The following ARSJ variants were observed in gnomAD, a reference collection of about 807,000 sequenced individuals.
ARSJ encodes the protein arylsulfatase family member J.
In ARSJ, 26 loss-of-function variants were observed where a neutral mutation model predicts 35.9. The ratio of observed to expected loss-of-function variants is 0.72; its 90% CI spans 0.53 to 1.00. ARSJ has a LOEUF of 1.00. ARSJ is among the 50% of genes least tolerant of loss of function. The pLI, the probability that ARSJ is intolerant of heterozygous loss-of-function variation, is 0.00. For synonymous variants in ARSJ, 294 were observed against 267.6 expected, an observed-to-expected ratio of 1.10 and a Z score of -0.96; for missense variants, 667 against 723.6, an observed-to-expected ratio of 0.92 and a Z score of 0.90.
chr4:113,974,219 G>C (rs1437028688), intron 1 of ARSJ, among the ~76,000 whole-genome samples: 1 of 151,960 alleles, frequency 6.6e-6, no homozygotes, highest in Non-Finnish European at 1.5e-5. Flanking sequence ...TCTTGGGGTA[G>C]GGAGAATCTC....
chr4:113,914,920 A>G (rs1335610946), intron 1 of ARSJ, among the ~76,000 whole-genome samples: 2 of 152,246 alleles, frequency 1.3e-5, no homozygotes, highest in Admixed American at 6.5e-5. Flanking sequence ...AGTTTCCTAC[A>G]CTGTCCGTTC....
Position 113,903,285 on chromosome 4 carries a change from AAT to A in ARSJ, c.787_788del (p.Ile263CysfsTer39). On this transcript the variant is annotated frameshift_variant, in exon 2 of 2. Coordinates refer to ENST00000315366, the MANE Select transcript of ARSJ (RefSeq NM_024590.4). LOFTEE classifies it high-confidence loss of function. Reference protein sequence around the residue: ...HNPTKPIFLYIAYQAVHSPLQ... With the variant: ...HNPTKPIFLYXAYQAVHSPLQ... The stretch of plus-strand genomic sequence containing the variant: ...GTGGTGAATGAACAGCTTGATAGGC[AAT>A]ATATAAAAATATAGGCTTTGTGGGG... 1 of 1,614,154 alleles carries A rather than the reference AAT, an allele frequency of 6.2e-7. No homozygotes were observed. Among genetic ancestry groups the A allele is most frequent in the Middle Eastern group, 1.6e-4 (1 of 6,062 alleles).
intron 1 of ARSJ, among the ~76,000 whole-genome samples, chr4:113,949,109 A>T (rs778641782): frequency 1.2e-4 from 18 of 148,420 alleles, no homozygotes; most frequent in Admixed American, 2.0e-4. Flanking sequence ...CAAACACCAC[A>T]TGTTCTCACT....
At chr4:113,966,171 T>C (rs1407562192) in intron 1 of ARSJ, among the ~76,000 whole-genome samples, 3 of 152,080 alleles carry the variant, frequency 2.0e-5, no homozygotes, top group East Asian at 3.9e-4. Context: ...ATTTACAGTA[T>C]GTATTAATGT....
intron 1 of ARSJ, among the ~76,000 whole-genome samples, chr4:113,967,547 C>T (rs967305296): frequency 6.6e-6 from 1 of 152,090 alleles, no homozygotes; most frequent in South Asian, 2.1e-4. Flanking sequence ...TTTAAGTAAC[C>T]TAAGGTTTCA....
intron 1 of ARSJ, among the ~76,000 whole-genome samples, chr4:113,952,108 G>T (rs985095950): frequency 6.6e-6 from 1 of 151,960 alleles, no homozygotes. Flanking sequence ...GCCCAAGCTG[G>T]AGTGCAGTGA....
At position 113,901,106 on chromosome 4, in the gene ARSJ, G is replaced by C. The variant is rs1033466528; in HGVS notation, c.*1168C>G. On this transcript the variant is annotated 3_prime_UTR_variant, in exon 2 of 2. Coordinates refer to ENST00000315366, the MANE Select transcript of ARSJ (RefSeq NM_024590.4). ...AAACCATTCCTTCAATTGCCTATTA[G>C]TAAAGATTTTTATTTTTTAGGACCA... is the stretch of plus-strand genomic sequence containing the variant. The C allele has an allele frequency of 7.2e-5, 11 of 152,180 alleles. No homozygotes were observed. Among genetic ancestry groups the C allele is most frequent in the African/African-American group, 2.6e-4 (11 of 41,522 alleles). The allele number at this position is 152,180 out of a possible 1,614,324, so 9.4% of individuals were successfully genotyped here.
chr4:113,926,596 G>T (rs1724083139), intron 1 of ARSJ, among the ~76,000 whole-genome samples: 1 of 152,118 alleles, frequency 6.6e-6, no homozygotes, highest in Non-Finnish European at 1.5e-5. Flanking sequence ...GGGACCATGG[G>T]TATTTGAGCC....
At chr4:113,935,546 T>G (rs1724715497) in intron 1 of ARSJ, among the ~76,000 whole-genome samples, 1 of 151,942 alleles carries the variant, frequency 6.6e-6, no homozygotes, top group Admixed American at 6.6e-5. Context: ...GTTCATGTCA[T>G]GAGGCTTATA....
intron 1 of ARSJ, among the ~76,000 whole-genome samples, chr4:113,974,956 A>G (rs1043750766): frequency 1.3e-5 from 2 of 152,216 alleles, no homozygotes; most frequent in Non-Finnish European, 2.9e-5. Flanking sequence ...ATAAATTGTA[A>G]TATGCTTATG....
chr4:113,957,824 T>C (rs1284217426), intron 1 of ARSJ, among the ~76,000 whole-genome samples: 1 of 152,102 alleles, frequency 6.6e-6, no homozygotes, highest in Non-Finnish European at 1.5e-5. Flanking sequence ...ATTGTTATGA[T>C]GTAACAGCAG....
intron 1 of ARSJ, among the ~76,000 whole-genome samples, chr4:113,911,719 G>T (rs910048026): frequency 6.6e-6 from 1 of 152,086 alleles, no homozygotes; most frequent in African/African-American, 2.4e-5. Flanking sequence ...AATGATTCCT[G>T]CCCTGCATTT....
At chr4:113,968,695 G>T (rs1727047486) in intron 1 of ARSJ, among the ~76,000 whole-genome samples, 1 of 152,204 alleles carries the variant, frequency 6.6e-6, no homozygotes, top group African/African-American at 2.4e-5. Context: ...CAGAACTTTG[G>T]CAGAGGCCAG....
chr4:113,955,036 C>G (rs1726088391), intron 1 of ARSJ, among the ~76,000 whole-genome samples: 1 of 147,216 alleles, frequency 6.8e-6, no homozygotes, highest in Non-Finnish European at 1.5e-5. Context: ...TGTGAGCATA[C>G]AGCATCTGTT....
chr4:113,929,262 A>C (rs961054884), intron 1 of ARSJ, among the ~76,000 whole-genome samples: 3 of 152,118 alleles, frequency 2.0e-5, no homozygotes, highest in African/African-American at 7.2e-5. Context: ...GCCCACTGGG[A>C]CTTTAGTCTA....
rs1164104114 is a variant in ARSJ, at chr4:113,903,520, T to G, written c.554A>C (p.Glu185Ala). The G allele has an allele frequency of 1.2e-6, 2 of 1,614,068 alleles. No homozygotes were observed. The highest frequency in any genetic ancestry group is 2.7e-5 in the African/African-American group (2 of 74,914). Residue 185 changes from glutamate (E) to alanine (A), a missense_variant, in exon 2 of 2, where the codon GAA becomes GCA. Glu to Ala is a moderately radical substitution (Grantham distance 107, BLOSUM62 -1). Coordinates refer to ENST00000315366, the MANE Select transcript of ARSJ (RefSeq NM_024590.4). Reference protein sequence around the residue: ...GKWHLGFYRKECMPTRRGFDT... With the variant: ...GKWHLGFYRKACMPTRRGFDT... The stretch of plus-strand genomic sequence containing the variant: ...AAATCCTCTTCTGGTGGGCATGCAT[T>G]CTTTTCTGTAAAAACCCAAGTGCCA...
rs1727739860 is a variant in ARSJ, at chr4:113,978,613, G to A, written c.222C>T (p.Ser74=). The A allele has an allele frequency of 1.9e-6, 3 of 1,614,018 alleles. No homozygotes were observed. Among genetic ancestry groups the A allele is most frequent in the Non-Finnish European group, 2.5e-6 (3 of 1,180,042 alleles). The change falls in exon 1 of 2, where the codon TCC becomes TCT. Residue 74 remains serine, a synonymous_variant. Coordinates refer to ENST00000315366, the MANE Select transcript of ARSJ (RefSeq NM_024590.4). ...EKLEPSTTST[S]QPHLIFILAD... ...CTAGGATGAAAATGAGATGGGGCTG[G>A]GAGGTGGAAGTTGTGCTGGGCTCTA...
At chr4:113,908,077 C>T (rs180830163) in intron 1 of ARSJ, among the ~76,000 whole-genome samples, 1 of 152,242 alleles carries the variant, frequency 6.6e-6, no homozygotes, top group East Asian at 1.9e-4. Flanking sequence ...ACGTAAACCC[C>T]TAGATCCTAA....
intron 1 of ARSJ, among the ~76,000 whole-genome samples, chr4:113,918,505 T>TA (rs1237280780): frequency 6.6e-6 from 1 of 152,136 alleles, no homozygotes; most frequent in African/African-American, 2.4e-5. Context: ...TTGGGGTCTT[T>TA]AGTGATTTGT....
Sources: allele counts gnomAD v4.1 joint callset (sites outside exome capture counted in the v4.1 genomes callset), GRCh38; gene constraint gnomAD v4.1.1; transcripts MANE v1.5; gene names NCBI Gene and HGNC (gene_info 2026-07-23, HGNC 2026-07-21).